PARD3: variants seen among roughly 807,000 people sequenced by gnomAD.
PARD3 encodes par-3 family cell polarity regulator, also known as partitioning defective 3 homolog.
In PARD3, 75 loss-of-function variants were observed where a neutral mutation model predicts 155.4. The ratio of observed to expected loss-of-function variants is 0.48; its 90% CI spans 0.40 to 0.58. The LOEUF (loss-of-function observed/expected upper bound fraction) is 0.58. Ranked by LOEUF, PARD3 falls within the 20% of genes least tolerant of loss-of-function variation. PARD3 has a pLI of 0.00. For missense variants in PARD3, 1,642 were observed against 1,721.7 expected, an observed-to-expected ratio of 0.95 and a Z score of 0.82; for synonymous variants, 576 against 610.5, an observed-to-expected ratio of 0.94 and a Z score of 0.83.
chr10:34,241,079 G>A (rs888289718), intron 22 of PARD3, among the ~76,000 whole-genome samples: 9 of 152,152 alleles, frequency 5.9e-5, no homozygotes, highest in Admixed American at 5.2e-4. Context: ...AAAACACAGG[G>A]ATGAACAGGG....
chr10:34,633,929 G>A (rs980622407), intron 2 of PARD3, among the ~76,000 whole-genome samples: 1 of 152,144 alleles, frequency 6.6e-6, no homozygotes, highest in African/African-American at 2.4e-5. Context: ...CTCTAGTTTT[G>A]AGAGTTTTAA....
At chr10:34,456,639 A>G (rs568960569) in intron 4 of PARD3, among the ~76,000 whole-genome samples, 1 of 152,330 alleles carries the variant, frequency 6.6e-6, no homozygotes, top group Admixed American at 6.5e-5. Flanking sequence ...AACAGGAGTA[A>G]GTAAAAAAAT....
At chr10:34,285,538 T>C (rs1956344378) in intron 20 of PARD3, among the ~76,000 whole-genome samples, 1 of 151,444 alleles carries the variant, frequency 6.6e-6, no homozygotes, top group South Asian at 2.1e-4. Context: ...ATTGCGCCAC[T>C]GTGCTCCAGC....
At chr10:34,735,362 T>C (rs950800058) in intron 1 of PARD3, among the ~76,000 whole-genome samples, 5 of 152,200 alleles carry the variant, frequency 3.3e-5, no homozygotes, top group East Asian at 1.9e-4. Context: ...AATAAAGTTA[T>C]GATAGGTTCA....
At chr10:34,690,636 C>G (rs535459165) in intron 2 of PARD3, among the ~76,000 whole-genome samples, 1 of 152,292 alleles carries the variant, frequency 6.6e-6, no homozygotes, top group East Asian at 1.9e-4. Context: ...CCAAGCCATG[C>G]ACCAGGGCCA....
intron 4 of PARD3, among the ~76,000 whole-genome samples, chr10:34,466,450 C>T (rs934985180): frequency 1.3e-5 from 2 of 152,116 alleles, no homozygotes; most frequent in Non-Finnish European, 2.9e-5. Context: ...TGCTTAGAAA[C>T]AAGATTTTAA....
At chr10:34,740,992 T>A (rs983065051) in intron 1 of PARD3, among the ~76,000 whole-genome samples, 3 of 152,118 alleles carry the variant, frequency 2.0e-5, no homozygotes, top group African/African-American at 7.2e-5. Flanking sequence ...GCAAATAATT[T>A]GTTTACATAA....
chr10:34,279,208 A>C, intron 21 of PARD3, among the ~76,000 whole-genome samples: 1 of 136,358 alleles, frequency 7.3e-6, no homozygotes, highest in Admixed American at 8.1e-5. Flanking sequence ...GGGCAGTGGC[A>C]CAACCACAGC....
chr10:34,575,020 T>A (rs948912751), intron 2 of PARD3, among the ~76,000 whole-genome samples: 2 of 152,030 alleles, frequency 1.3e-5, no homozygotes, highest in Admixed American at 1.3e-4. Flanking sequence ...AGAGACAGGG[T>A]CCTACTCCGT....
intron 2 of PARD3, among the ~76,000 whole-genome samples, chr10:34,586,287 T>TTGAATAAGCACCAAGAGGCA (rs2088038534): frequency 6.6e-6 from 1 of 152,164 alleles, no homozygotes; most frequent in Non-Finnish European, 1.5e-5. Flanking sequence ...GATCAAGAAT[T>TTGAATAAGCACCAAGAGGCA]TGAATAAGCA....
intron 2 of PARD3, among the ~76,000 whole-genome samples, chr10:34,603,121 T>G (rs1209715969): frequency 1.3e-5 from 2 of 152,160 alleles, no homozygotes; most frequent in African/African-American, 4.8e-5. Flanking sequence ...GCTGTCAAAA[T>G]TAACAGACAT....
intron 4 of PARD3, among the ~76,000 whole-genome samples, chr10:34,464,191 G>C (rs141210215): frequency 8.2e-4 from 125 of 152,094 alleles, no homozygotes; most frequent in African/African-American, 2.8e-3. Context: ...TTTCTGGAGT[G>C]GGTAAAGGAA....
rs71033348 is a variant in PARD3, at chr10:34,750,462, A to AACACACAC, written c.121-54051_121-54044dup. Among the ~76,000 whole-genome samples, 518 of 135,910 alleles carry AACACACAC rather than the reference A, an allele frequency of 3.8e-3. 5 individuals are homozygous for AACACACAC. Among genetic ancestry groups the AACACACAC allele is most frequent in the Admixed American group, 0.012 (155 of 13,228 alleles). The allele number at this position is 135,910 out of a possible 152,430, so 89.2% of individuals were successfully genotyped here. On this transcript the variant is annotated intron_variant, in intron 1 of 24. Transcript: ENST00000374788. ...AGTTACATCCTCTTTCTCTCTTTCA[A>AACACACAC]ACACACACACACACACACACACACA...
In PARD3 at chr10:34,814,976, A is replaced by C. The variant is rs768824256; in HGVS notation, c.20T>G (p.Phe7Cys). The change falls in exon 1 of 25, where the codon TTC becomes TGC. Residue 7 changes from phenylalanine to cysteine, a missense_variant. Physicochemically the swap from Phe to Cys is radical, Grantham distance 205 (BLOSUM62 -2). Coordinates refer to ENST00000374788, the MANE Select transcript of PARD3 (RefSeq NM_001184785.2). ...CGGCACGACCACCCGGGTCCGTCCG[A>C]AGCACACGGTCACTTTCATGCCGCC... MKVTVC[F>C]GRTRVVVPCG... The C allele has an allele frequency of 4.5e-6, 7 of 1,543,000 alleles. No individual in the cohort carries two copies. The highest frequency in any genetic ancestry group is 1.9e-5 in the Admixed American group (1 of 53,440).
intron 22 of PARD3, among the ~76,000 whole-genome samples, chr10:34,237,566 A>C (rs1459519063): frequency 6.6e-6 from 1 of 152,222 alleles, no homozygotes; most frequent in Non-Finnish European, 1.5e-5. Flanking sequence ...TTTCCATACA[A>C]TATCTCAAAC....
At chr10:34,557,754 G>A (rs550318488) in intron 2 of PARD3, among the ~76,000 whole-genome samples, 8 of 151,848 alleles carry the variant, frequency 5.3e-5, no homozygotes, top group South Asian at 2.1e-4. Context: ...CACTGCACCC[G>A]GCCTCCCATC....
At chr10:34,739,077 T>A (rs146555670) in intron 1 of PARD3, among the ~76,000 whole-genome samples, 1 of 152,278 alleles carries the variant, frequency 6.6e-6, no homozygotes, top group African/African-American at 2.4e-5. Context: ...TAAACAAAAT[T>A]ACCAACCACT....
intron 4 of PARD3, among the ~76,000 whole-genome samples, chr10:34,454,951 C>G (rs536606482): frequency 1.6e-4 from 25 of 152,234 alleles, no homozygotes; most frequent in Admixed American, 1.0e-3. Flanking sequence ...AAGCTTATTA[C>G]AATTCAGGAA....
Position 34,382,624 on chromosome 10 carries a change from G to A in PARD3, c.1315C>T (p.Pro439Ser). 1 of 1,614,036 alleles carries A rather than the reference G, an allele frequency of 6.2e-7. No homozygotes were observed. The highest frequency in any genetic ancestry group is 2.2e-5 in the East Asian group (1 of 44,876). ...ACAGTCGTACTAAATACATTCTGAG[G>A]TGCCGAGGCTGGAGCGGATGGTGGT... ...GKPPSAPASA[P>S]QNVFSTTVSS... is the part of the protein sequence containing the mutation. Residue 439 changes from proline (P) to serine (S), a missense_variant, in exon 9 of 25, where the codon CCT (proline) becomes TCT (serine). Pro to Ser is a moderately conservative substitution (Grantham distance 74, BLOSUM62 -1). Around this residue, in one of 3 missense-constraint regions of PARD3, gnomAD observed 1,529 missense variants for 1,587.3 expected, o/e 0.96. Transcript: ENST00000374788.
Sources: gnomAD v4.1 joint callset for allele counts (sites outside exome capture counted in the v4.1 genomes callset) on GRCh38, gnomAD v4.1.1 for gene constraint, gnomAD v4.1.1 regional missense constraint, MANE v1.5 for transcripts, NCBI Gene and HGNC (gene_info 2026-07-23, HGNC 2026-07-21) for gene names.